TMEM132C: variants seen among roughly 807,000 people sequenced by gnomAD.
TMEM132C encodes transmembrane protein 132C.
TMEM132C carries 29 observed loss-of-function variants against 61.4 expected under a neutral mutation model. The ratio of observed to expected loss-of-function variants is 0.47; its 90% CI spans 0.35 to 0.64. The LOEUF (loss-of-function observed/expected upper bound fraction) is 0.64, where lower values mean the gene tolerates loss of function less well. Among genes scored for constraint, TMEM132C ranks in the 30% least tolerant of loss-of-function variants. The pLI, the probability that TMEM132C is intolerant of heterozygous loss-of-function variation, is 0.00. For synonymous variants in TMEM132C, 656 were observed against 633.1 expected (o/e 1.04, Z -0.54); for missense variants, 1,408 against 1,476.9 (o/e 0.95, Z 0.76).
chr12:128,490,534 GAAT>G (rs1433323508), intron 2 of TMEM132C, among the ~76,000 whole-genome samples: 1 of 152,214 alleles, frequency 6.6e-6, no homozygotes, highest in Non-Finnish European at 1.5e-5. Flanking sequence ...CTAAGCCAGT[GAAT>G]AATGATGCAT....
intron 4 of TMEM132C, among the ~76,000 whole-genome samples, chr12:128,649,065 A>G (rs563979370): frequency 6.6e-6 from 1 of 152,256 alleles, no homozygotes; most frequent in South Asian, 2.1e-4. Context: ...TCAGCATTGT[A>G]TGTGAGTGTG....
intron 3 of TMEM132C, among the ~76,000 whole-genome samples, chr12:128,554,643 A>C (rs2136158145): frequency 6.6e-6 from 1 of 152,344 alleles, no homozygotes; most frequent in East Asian, 1.9e-4. Context: ...GCAGCAAAAC[A>C]GCTGTCTGGG....
chr12:128,301,214 G>A (rs1208464611), intron 1 of TMEM132C, among the ~76,000 whole-genome samples: 4 of 152,104 alleles, frequency 2.6e-5, no homozygotes, highest in Non-Finnish European at 2.9e-5. Context: ...AGGAAGTGTA[G>A]GGAGGAAAAA....
At chr12:128,376,813 G>A (rs1253393600) in intron 1 of TMEM132C, among the ~76,000 whole-genome samples, 2 of 152,242 alleles carry the variant, frequency 1.3e-5, no homozygotes, top group African/African-American at 2.4e-5. Flanking sequence ...GGCATGGGAT[G>A]TAAACCTGTT....
At chr12:128,284,219 G>T (rs1274585438) in intron 1 of TMEM132C, among the ~76,000 whole-genome samples, 1 of 152,084 alleles carries the variant, frequency 6.6e-6, no homozygotes, top group Non-Finnish European at 1.5e-5. Context: ...ATATCCTATT[G>T]GTTCTGTTTC....
chr12:128,399,415 T>C (rs1875071412), intron 1 of TMEM132C, among the ~76,000 whole-genome samples: 1 of 152,316 alleles, frequency 6.6e-6, no homozygotes, highest in African/African-American at 2.4e-5. Flanking sequence ...TCTCTTTCAA[T>C]AGATACAGCG....
chr12:128,278,966 C>T lies in TMEM132C; in HGVS notation c.85+11479C>T, dbSNP rs1870789358. 6.6e-6 allele frequency among the ~76,000 whole-genome samples: 1 copy of T among 152,058 alleles called. No homozygotes were observed. Among genetic ancestry groups the T allele is most frequent in the African/African-American group, 2.4e-5 (1 of 41,396 alleles). On this transcript the variant is annotated intron_variant, in intron 1 of 8. Coordinates refer to ENST00000435159, the MANE Select transcript of TMEM132C (RefSeq NM_001136103.3). This position sits in a 1 kb window ranked among gnomAD's most constrained non-coding sequence, Gnocchi z 4.2. ...ACGTGAACTGCAACATTAGGTCTTC[C>T]TTGGGTCTCCAGCCTGCCAGCCCAC...
chr12:128,483,715 A>G (rs1344550186), intron 2 of TMEM132C, among the ~76,000 whole-genome samples: 1 of 152,110 alleles, frequency 6.6e-6, no homozygotes, highest in Non-Finnish European at 1.5e-5. Flanking sequence ...GCCCCGTGGG[A>G]AATTGTCCAG....
intron 2 of TMEM132C, among the ~76,000 whole-genome samples, chr12:128,454,217 CTTA>C (rs1343659376): frequency 6.6e-6 from 1 of 152,134 alleles, no homozygotes; most frequent in Admixed American, 6.6e-5. Context: ...TTATCAAGTC[CTTA>C]TTATATGCCT....
intron 2 of TMEM132C, among the ~76,000 whole-genome samples, chr12:128,470,725 A>G (rs911369711): frequency 6.6e-6 from 1 of 152,234 alleles, no homozygotes; most frequent in African/African-American, 2.4e-5. Flanking sequence ...GGGCTGTTAC[A>G]TCAGGTATCT....
chr12:128,535,400 C>G (rs1873484693), intron 2 of TMEM132C, among the ~76,000 whole-genome samples: 1 of 152,074 alleles, frequency 6.6e-6, no homozygotes, highest in African/African-American at 2.4e-5. Flanking sequence ...AAGAAAAAAA[C>G]AAACAACCCC....
intron 3 of TMEM132C, among the ~76,000 whole-genome samples, chr12:128,586,334 A>G (rs1428769271): frequency 8.7e-6 from 1 of 115,030 alleles, no homozygotes; most frequent in Non-Finnish European, 1.7e-5. Flanking sequence ...TACATAATAT[A>G]TGCTTGTATG....
intron 4 of TMEM132C, among the ~76,000 whole-genome samples, chr12:128,645,822 A>G (rs995158189): frequency 1.3e-5 from 2 of 152,030 alleles, no homozygotes; most frequent in Non-Finnish European, 2.9e-5. Flanking sequence ...ACTAGAGTCC[A>G]TCGGCTTTGG....
At chr12:128,619,045 T>G (rs1471388560) in intron 4 of TMEM132C, among the ~76,000 whole-genome samples, 1 of 152,172 alleles carries the variant, frequency 6.6e-6, no homozygotes, top group Non-Finnish European at 1.5e-5. Context: ...AAGTAAACTT[T>G]TATTGGAAGT....
In TMEM132C at chr12:128,329,233, C is replaced by T. The variant is rs575409935; in HGVS notation, c.85+61746C>T. On this transcript the variant is annotated intron_variant, in intron 1 of 8. Transcript: ENST00000435159. ...ATACGGTTGAACCTTCGGATTATTT[C>T]GGAGATGAAAACCCTAGTATTAGCA... Among the ~76,000 whole-genome samples, 12 of 152,202 alleles carry T rather than the reference C, an allele frequency of 7.9e-5. No individual in the cohort carries two copies. In the East Asian group the frequency reaches 1.9e-3, roughly 24 times the overall value.
At chr12:128,435,234 A>G (rs1400609336) in intron 2 of TMEM132C, among the ~76,000 whole-genome samples, 1 of 152,222 alleles carries the variant, frequency 6.6e-6, no homozygotes, top group African/African-American at 2.4e-5. Context: ...TAAACCACCC[A>G]GTGAGTGGTA....
intron 1 of TMEM132C, among the ~76,000 whole-genome samples, chr12:128,346,714 G>C (rs748241392): frequency 1.3e-5 from 2 of 152,118 alleles, no homozygotes; most frequent in African/African-American, 4.8e-5. Context: ...TGTCGATGGC[G>C]TATAGGGATG....
intron 4 of TMEM132C, among the ~76,000 whole-genome samples, chr12:128,645,674 T>C (rs559709964): frequency 6.6e-5 from 10 of 152,336 alleles, no homozygotes; most frequent in Non-Finnish European, 1.5e-4. Flanking sequence ...TGTGGTTCCT[T>C]TGAGATGCCA....
intron 4 of TMEM132C, among the ~76,000 whole-genome samples, chr12:128,641,050 G>A (rs1247003514): frequency 6.6e-6 from 1 of 152,204 alleles, no homozygotes; most frequent in African/African-American, 2.4e-5. Context: ...AAAAACACAG[G>A]AGGTTCCCAG....
Sources: allele counts gnomAD v4.1 joint callset (sites outside exome capture counted in the v4.1 genomes callset), GRCh38; gene constraint gnomAD v4.1.1; non-coding constraint Gnocchi (gnomAD v3.1); transcripts MANE v1.5; gene names NCBI Gene and HGNC (gene_info 2026-07-23, HGNC 2026-07-21).